WARS2: variants seen among roughly 807,000 people sequenced by gnomAD.
The protein encoded by WARS2 is tryptophan--tRNA ligase, mitochondrial.
A neutral mutation model predicts 36.5 loss-of-function variants in WARS2; 28 were observed. The ratio of observed to expected loss-of-function variants is 0.77; its 90% CI spans 0.57 to 1.05. The LOEUF (loss-of-function observed/expected upper bound fraction) is 1.05, where lower values mean the gene tolerates loss of function less well. Ranked by LOEUF, WARS2 falls within the 50% of genes least tolerant of loss-of-function variation. WARS2 has a pLI of 0.00. For missense variants in WARS2, 435 were observed against 456.8 expected, an observed-to-expected ratio of 0.95 and a Z score of 0.44; for synonymous variants, 174 against 178.4, an observed-to-expected ratio of 0.98 and a Z score of 0.20.
chr1:119,140,625 C>T lies in WARS2; in HGVS notation c.20G>A (p.Arg7Gln), dbSNP rs1195477772. 2.5e-6 allele frequency: 4 copies of T among 1,613,650 alleles called. No homozygotes were observed. The African/African-American group carries it at 4.0e-5, about 16-fold the overall frequency. The stretch of plus-strand genomic sequence containing the variant: ...GAAGCTCCAGCGCTCACGCGCTTTC[C>T]GCATTGAGTGCAGCGCCATCTTGAG... The part of the protein sequence containing the change: MALHSM[R>Q]KARERWSFIR... The change falls in exon 1 of 6, where the codon CGG becomes CAG. Residue 7 changes from arginine (R) to glutamine (Q), a missense_variant. Transcript: ENST00000235521.
chr1:119,110,399 GGAACA>G (rs1242386214), intron 1 of WARS2, among the ~76,000 whole-genome samples: 7 of 151,940 alleles, frequency 4.6e-5, no homozygotes, highest in South Asian at 4.2e-4. Context: ...AATTTCACAG[GGAACA>G]GAATTCCAGA....
chr1:119,120,846 C>T (rs978505739), intron 1 of WARS2, among the ~76,000 whole-genome samples: 2 of 152,110 alleles, frequency 1.3e-5, no homozygotes, highest in South Asian at 2.1e-4. Flanking sequence ...ATCTAACATT[C>T]CTTTATGATT....
chr1:119,113,509 A>C (rs370063126), intron 1 of WARS2, among the ~76,000 whole-genome samples: 8 of 152,288 alleles, frequency 5.3e-5, no homozygotes, highest in South Asian at 2.1e-4. Context: ...AGGGGTCTAG[A>C]CAGATATTGG....
chr1:119,086,449 T>C (rs1275968687), intron 1 of WARS2, among the ~76,000 whole-genome samples: 2 of 152,198 alleles, frequency 1.3e-5, no homozygotes, highest in African/African-American at 4.8e-5. Flanking sequence ...GTACCCTTTT[T>C]CAAATATAAT....
At chr1:119,081,317 T>C (rs373223379) in intron 1 of WARS2, among the ~76,000 whole-genome samples, 1 of 152,226 alleles carries the variant, frequency 6.6e-6, no homozygotes, top group Admixed American at 6.5e-5. Flanking sequence ...GTCTTTAATT[T>C]CAAGTGAATA....
intron 1 of WARS2, among the ~76,000 whole-genome samples, chr1:119,136,329 T>C (rs749268628): frequency 3.9e-5 from 6 of 152,202 alleles, no homozygotes; most frequent in Non-Finnish European, 7.3e-5. Context: ...TTCCTCTATA[T>C]TTTCAACAGT....
intron 1 of WARS2, among the ~76,000 whole-genome samples, chr1:119,109,198 T>C (rs1654453015): frequency 6.6e-6 from 1 of 151,964 alleles, no homozygotes; most frequent in Non-Finnish European, 1.5e-5. Context: ...TATTGTGAGA[T>C]ACAAATCATC....
chr1:119,077,791 T>G (rs973670428), intron 1 of WARS2, among the ~76,000 whole-genome samples: 1 of 152,180 alleles, frequency 6.6e-6, no homozygotes, highest in Non-Finnish European at 1.5e-5. Context: ...AATTGCTATT[T>G]TTCCCCTGAA....
intron 2 of WARS2, among the ~76,000 whole-genome samples, chr1:119,057,870 G>A (rs1649972813): frequency 6.6e-6 from 1 of 152,132 alleles, no homozygotes; most frequent in African/African-American, 2.4e-5. Context: ...AGCCTTGCCA[G>A]ATATATGTAC....
At chr1:119,122,602 T>C (rs890598195) in intron 1 of WARS2, among the ~76,000 whole-genome samples, 8 of 152,214 alleles carry the variant, frequency 5.3e-5, no homozygotes, top group African/African-American at 1.7e-4. Flanking sequence ...CACATGTTTA[T>C]AGCAGCACAA....
At chr1:119,057,845 A>T (rs79313338) in intron 2 of WARS2, among the ~76,000 whole-genome samples, 3,042 of 152,192 alleles carry the variant, frequency 0.02, 88 homozygotes, top group African/African-American at 0.069. Context: ...AGAGTTTTTT[A>T]TACAGCTGGA....
chr1:119,040,307 C>T (rs1648242714), intron 4 of WARS2, among the ~76,000 whole-genome samples: 2 of 152,200 alleles, frequency 1.3e-5, no homozygotes, highest in South Asian at 4.1e-4. Flanking sequence ...GAAGAGGCTC[C>T]TTAAAGCTCC....
intron 1 of WARS2, among the ~76,000 whole-genome samples, chr1:119,136,092 A>C (rs993744262): frequency 6.6e-5 from 10 of 152,126 alleles, no homozygotes; most frequent in African/African-American, 1.2e-4. Context: ...TAAATAAATA[A>C]ATAAATAAAT....
At chr1:119,093,375 G>C (rs1488551570) in intron 1 of WARS2, among the ~76,000 whole-genome samples, 1 of 151,378 alleles carries the variant, frequency 6.6e-6, no homozygotes, top group African/African-American at 2.4e-5. Flanking sequence ...GTAGTAGGTT[G>C]AATTATGTCC....
At chr1:119,052,148 T>C (rs1269920188) in intron 2 of WARS2, among the ~76,000 whole-genome samples, 2 of 152,170 alleles carry the variant, frequency 1.3e-5, no homozygotes, top group Non-Finnish European at 2.9e-5. Context: ...GAGTGCAGGA[T>C]AGACAGCATG....
At chr1:119,116,437 T>C (rs1357673901) in intron 1 of WARS2, among the ~76,000 whole-genome samples, 2 of 152,160 alleles carry the variant, frequency 1.3e-5, no homozygotes, top group Non-Finnish European at 2.9e-5. Context: ...GAGACTCACA[T>C]TGTGAACTTT....
In WARS2 at chr1:119,044,496, G is replaced by A. The variant is rs1406986748; in HGVS notation, c.429+1086C>T. Among the ~76,000 whole-genome samples the A allele has an allele frequency of 1.3e-5, 2 of 152,182 alleles. 1 individual carries two copies. Among genetic ancestry groups the A allele is most frequent in the East Asian group, 3.8e-4 (2 of 5,196 alleles). On this transcript the variant is annotated intron_variant, in intron 3 of 5. Coordinates refer to ENST00000235521, the MANE Select transcript of WARS2 (RefSeq NM_015836.4). Reference sequence around the variant, plus strand: ...ATTTGTGGCAAGTAATGAATCTGCAGCATTACTAGTACCATCTTATGTATT... The same window carrying A: ...ATTTGTGGCAAGTAATGAATCTGCAACATTACTAGTACCATCTTATGTATT...
At chr1:119,060,276 A>T (rs1650266993) in intron 2 of WARS2, among the ~76,000 whole-genome samples, 1 of 152,158 alleles carries the variant, frequency 6.6e-6, no homozygotes, top group Non-Finnish European at 1.5e-5. Flanking sequence ...GAAGTCTGAG[A>T]TGAAGGGGCC....
rs115787558 is a variant in WARS2, at chr1:119,118,669, A to G, written c.90+21886T>C. Among the ~76,000 whole-genome samples, 431 of 152,316 alleles carry G rather than the reference A, an allele frequency of 2.8e-3. 2 individuals are homozygous for G. The highest frequency in any genetic ancestry group is 9.8e-3 in the African/African-American group (406 of 41,580). ...TCAAGATGAAGGAAAACATCTTAAG[A>G]GCTGTGAAGCAAAAGCATCAGGTAA... On this transcript the variant is annotated intron_variant, in intron 1 of 5. Transcript: ENST00000235521.
Sources: allele counts gnomAD v4.1 joint callset (sites outside exome capture counted in the v4.1 genomes callset), GRCh38; gene constraint gnomAD v4.1.1; transcripts MANE v1.5; gene names NCBI Gene and HGNC (gene_info 2026-07-23, HGNC 2026-07-21).